RBM27: variants seen among roughly 807,000 people sequenced by gnomAD.
The protein encoded by RBM27 is RNA-binding protein 27.
A neutral mutation model predicts 135.3 loss-of-function variants in RBM27; 22 were observed. That is an observed-to-expected ratio of 0.16 (90% CI 0.12 to 0.23). RBM27 has a LOEUF of 0.23. Among genes scored for constraint, RBM27 ranks in the 10% least tolerant of loss-of-function variants. The pLI, the probability that RBM27 is intolerant of heterozygous loss-of-function variation, is 1.00. For missense variants in RBM27, 1,009 were observed against 1,281.0 expected (o/e 0.79, Z 3.24); for synonymous variants, 481 against 442.4 (o/e 1.09, Z -1.10).
intron 19 of RBM27, among the ~76,000 whole-genome samples, chr5:146,274,092 A>C (rs1320780248): frequency 2.7e-5 from 4 of 149,018 alleles, no homozygotes; most frequent in African/African-American, 5.0e-5. Context: ...TCAAGCGATT[A>C]TCCTGCCTCA....
intron 9 of RBM27, among the ~76,000 whole-genome samples, chr5:146,252,549 A>C (rs1419421137): frequency 6.6e-6 from 1 of 152,248 alleles, no homozygotes; most frequent in East Asian, 1.9e-4. Context: ...TCTTAACTGT[A>C]GGAGATTTTC....
At chr5:146,238,298 C>T (rs1314440506) in intron 8 of RBM27, among the ~76,000 whole-genome samples, 4 of 152,082 alleles carry the variant, frequency 2.6e-5, no homozygotes, top group South Asian at 2.1e-4. Context: ...CATCTGAGGT[C>T]GGGAGTTCGA....
intron 19 of RBM27, among the ~76,000 whole-genome samples, chr5:146,281,284 T>TA (rs1759342128): frequency 6.6e-6 from 1 of 152,210 alleles, no homozygotes; most frequent in African/African-American, 2.4e-5. Flanking sequence ...CTTACAAAGA[T>TA]ACATGTGTTA....
At chr5:146,227,044 T>A (rs1756710241) in intron 3 of RBM27, among the ~76,000 whole-genome samples, 1 of 152,232 alleles carries the variant, frequency 6.6e-6, no homozygotes, top group South Asian at 2.1e-4. Flanking sequence ...GAAGCAAATC[T>A]AGGGATTACC....
chr5:146,279,716 A>G (rs1485860370), intron 19 of RBM27, among the ~76,000 whole-genome samples: 3 of 150,730 alleles, frequency 2.0e-5, no homozygotes, highest in South Asian at 2.1e-4. Context: ...CCTGAGGCAC[A>G]TGAATTGCTT....
chr5:146,231,595 T>C lies in RBM27; in HGVS notation c.850+678T>C, dbSNP rs1328693734. Among the ~76,000 whole-genome samples, 7 of 152,104 alleles carry C rather than the reference T, an allele frequency of 4.6e-5. No individual in the cohort carries two copies. In the East Asian group the frequency reaches 1.3e-3, roughly 29 times the overall value. ...AAAATTTCATAGACACTAGTAATTG[T>C]AATTTTTTAAAAGAATTTTATTTAT... On this transcript the variant is annotated intron_variant, in intron 6 of 20. Transcript: ENST00000265271.
At chr5:146,264,654 T>TAAAAAAAAA (rs35210934) in intron 14 of RBM27, among the ~76,000 whole-genome samples, 1 of 97,904 alleles carries the variant, frequency 1.0e-5, no homozygotes, top group Non-Finnish European at 2.1e-5. Context: ...CAAAGAGAGC[T>TAAAAAAAAA]AAAAAAAAAA....
intron 11 of RBM27, among the ~76,000 whole-genome samples, chr5:146,259,214 G>A (rs1172023172): frequency 6.6e-6 from 1 of 151,938 alleles, no homozygotes; most frequent in African/African-American, 2.4e-5. Context: ...TTGAAAATAT[G>A]CCGTTAAAGA....
rs974916139 is a variant in RBM27 at position 146,230,550 on chromosome 5, G to A, written c.590-107G>A. ...GTATGAAATATGGATAGCTAGATAA[G>A]TTTAATTCAACATTCTCATGTTTTC... is the stretch of plus-strand genomic sequence containing the variant. On this transcript the variant is annotated intron_variant, in intron 5 of 20. Transcript: ENST00000265271. 2.2e-5 allele frequency: 27 copies of A among 1,219,914 alleles called. No homozygotes were observed. In the African/African-American group the frequency reaches 4.1e-4, roughly 19 times the overall value. The allele number at this position is 1,219,914 out of a possible 1,614,324, so 75.6% of individuals were successfully genotyped here.
intron 3 of RBM27, among the ~76,000 whole-genome samples, chr5:146,228,267 G>A (rs1169222926): frequency 4.0e-5 from 6 of 149,394 alleles, no homozygotes; most frequent in Admixed American, 2.7e-4. Context: ...ATAATTTATA[G>A]AGGGACCATT....
intron 19 of RBM27, among the ~76,000 whole-genome samples, chr5:146,283,353 A>G (rs1032578452): frequency 3.3e-5 from 5 of 152,138 alleles, no homozygotes; most frequent in African/African-American, 9.7e-5. Context: ...CAGCCTGGGC[A>G]ACATCGGGAG....
chr5:146,237,432 C>T lies in RBM27; in HGVS notation c.1279C>T (p.Arg427Ter), dbSNP rs1171449724. 6.2e-7 allele frequency: 1 copy of T among 1,613,742 alleles called. No homozygotes were observed. Among genetic ancestry groups the T allele is most frequent in the Non-Finnish European group, 8.5e-7 (1 of 1,179,726 alleles). The change falls in exon 8 of 21, where the codon CGA becomes TGA. Residue 427 changes from arginine to a stop codon, truncating the protein, a stop_gained and splice_region_variant. Coordinates refer to ENST00000265271, the MANE Select transcript of RBM27 (RefSeq NM_018989.2). LOFTEE classifies it high-confidence loss of function. ...GAACCTCCTTTACACAGTATCAGAA[C>T]GTAAGTACATGTTGTTTGACTTAAA... Reference protein sequence around the residue: ...PQNLLYTVSERQPMYSREHGA... With the variant: ...PQNLLYTVSE
In RBM27 at chr5:146,230,583, G is replaced by A. The variant is rs1756883558; in HGVS notation, c.590-74G>A. On this transcript the variant is annotated intron_variant, in intron 5 of 20. Transcript: ENST00000265271. ...CAACATTCTCATGTTTTCTATGTGA[G>A]AAAATAAATATAGTTTAAGAACATG... The A allele has an allele frequency of 2.2e-5, 33 of 1,467,894 alleles. No individual in the cohort carries two copies. The South Asian group carries it at 4.0e-4, about 18-fold the overall frequency. The allele number at this position is 1,467,894 out of a possible 1,614,324, so 90.9% of individuals were successfully genotyped here. A position where few individuals can be genotyped will look rare whatever the true frequency, so the allele number is the denominator to read the frequency against.
intron 20 of RBM27, among the ~76,000 whole-genome samples, chr5:146,285,279 C>T (rs995144141): frequency 3.3e-5 from 5 of 152,016 alleles, no homozygotes; most frequent in African/African-American, 1.2e-4. Flanking sequence ...ATTTAGTGAA[C>T]ACTTAGGCTA....
intron 19 of RBM27, among the ~76,000 whole-genome samples, chr5:146,284,362 AAATTATTTCTTCAACCAAGAC>A (rs1280084962): frequency 6.6e-6 from 1 of 152,140 alleles, no homozygotes; most frequent in Admixed American, 6.5e-5. Flanking sequence ...CTTAGAAAAA[AAATTATTTCTTCAACCAAGAC>A]AGATGCTAAC....
chr5:146,271,360 A>G lies in RBM27; in HGVS notation c.2797-123A>G, dbSNP rs111259772. 2,727 of 900,898 alleles carry G rather than the reference A, an allele frequency of 3.0e-3. 51 individuals are homozygous for G. The African/African-American group carries it at 0.04, about 13-fold the overall frequency. The allele number at this position is 900,898 out of a possible 1,614,324, so 55.8% of individuals were successfully genotyped here. ...GGTTGCAGTGAGCCGAGATCGTGCC[A>G]TTGCACTCGAGCCTAGGCAACGAGA... On this transcript the variant is annotated intron_variant, in intron 18 of 20. Transcript: ENST00000265271.
chr5:146,234,912 T>G (rs1370770238), intron 7 of RBM27, among the ~76,000 whole-genome samples: 1 of 151,714 alleles, frequency 6.6e-6, no homozygotes, highest in Non-Finnish European at 1.5e-5. Flanking sequence ...TGTGTACCCA[T>G]AGTTCCAGCT....
At chr5:146,278,608 A>G (rs1759194101) in intron 19 of RBM27, among the ~76,000 whole-genome samples, 1 of 152,158 alleles carries the variant, frequency 6.6e-6, no homozygotes, top group Non-Finnish European at 1.5e-5. Flanking sequence ...AAATTGTTCT[A>G]CACTAGTGCA....
intron 19 of RBM27, among the ~76,000 whole-genome samples, chr5:146,280,459 G>A (rs1011676405): frequency 6.6e-6 from 1 of 152,096 alleles, no homozygotes; most frequent in Non-Finnish European, 1.5e-5. Context: ...TTATGAGAAG[G>A]CAAACACCTA....
Sources: gnomAD v4.1 joint callset for allele counts (sites outside exome capture counted in the v4.1 genomes callset) on GRCh38, gnomAD v4.1.1 for gene constraint, MANE v1.5 for transcripts, NCBI Gene and HGNC (gene_info 2026-07-23, HGNC 2026-07-21) for gene names.